CLN6: variants seen among roughly 807,000 people sequenced by gnomAD.
CLN6 encodes ceroid-lipofuscinosis neuronal protein 6.
A neutral mutation model predicts 33.3 loss-of-function variants in CLN6; 22 were observed. The observed-to-expected ratio is 0.66, with a 90% CI of 0.47 to 0.94. The LOEUF is 0.94. CLN6 is among the 40% of genes least tolerant of loss of function. The pLI, the probability that CLN6 is intolerant of heterozygous loss-of-function variation, is 0.00. For synonymous variants in CLN6, 201 were observed against 174.6 expected (o/e 1.15, Z -1.19); for missense variants, 387 against 417.1 (o/e 0.93, Z 0.63).
chr15:68,222,536 G>A (rs2093240601), intron 1 of CLN6, among the ~76,000 whole-genome samples: 2 of 151,298 alleles, frequency 1.3e-5, no homozygotes, highest in South Asian at 4.2e-4. Flanking sequence ...TCTGGGAAGT[G>A]AGGAGCGCCT....
intron 1 of CLN6, among the ~76,000 whole-genome samples, chr15:68,249,935 G>T (rs1416038274): frequency 3.9e-5 from 6 of 152,056 alleles, no homozygotes; most frequent in Non-Finnish European, 8.8e-5. Context: ...ATCAGGCCTG[G>T]CTAATTTTTG....
intron 1 of CLN6, among the ~76,000 whole-genome samples, chr15:68,255,881 C>T (rs1002396645): frequency 6.6e-6 from 1 of 152,134 alleles, no homozygotes. Context: ...GAAACCTCAA[C>T]TTATCAGTTT....
chr15:68,237,651 G>T (rs992424725), intron 1 of CLN6, among the ~76,000 whole-genome samples: 25 of 152,278 alleles, frequency 1.6e-4, no homozygotes, highest in Non-Finnish European at 2.8e-4. Context: ...CATGAAGGAA[G>T]AGTTAAGAGA....
rs756942559 is a variant in CLN6, at chr15:68,211,286, A to G, written c.519T>C (p.Asp173=). The part of the protein sequence containing the change: ...IDSFELLYYY[D]EYLGHCMWYI... The stretch of plus-strand genomic sequence containing the variant: ...ACCACATGCAGTGACCCAGGTACTC[A>G]TCATAATAGTAGAGCAGCTCAAAGG... Residue 173 remains aspartate (D), a synonymous_variant, in exon 5 of 7, where the codon GAT becomes GAC. Transcript: ENST00000249806. This position sits in a 1 kb window ranked among gnomAD's most constrained non-coding sequence, Gnocchi z 5.9. 2.5e-6 allele frequency: 4 copies of G among 1,614,022 alleles called. No individual in the cohort carries two copies. Among genetic ancestry groups the G allele is most frequent in the Non-Finnish European group, 3.4e-6 (4 of 1,180,000 alleles).
At chr15:68,233,462 T>C (rs973322764), upstream of CLN6, among the ~76,000 whole-genome samples, 1 of 152,156 alleles carries the variant, frequency 6.6e-6, no homozygotes, top group African/African-American at 2.4e-5. The surrounding 1 kb of genome is among the most constrained non-coding windows in gnomAD (Gnocchi z 4.3). Context: ...CTGCGGAAAA[T>C]GAAGCCTAAA....
In CLN6 at chr15:68,209,317, G is replaced by A. The variant is rs997185043; in HGVS notation, c.665+320C>T. Among the ~76,000 whole-genome samples the A allele has an allele frequency of 2.6e-5, 4 of 152,206 alleles. No homozygotes were observed. Among genetic ancestry groups the A allele is most frequent in the African/African-American group, 9.6e-5 (4 of 41,452 alleles). On this transcript the variant is annotated intron_variant, in intron 6 of 6. Transcript: ENST00000249806. This position sits in a 1 kb window ranked among gnomAD's most constrained non-coding sequence, Gnocchi z 4.9. ...GCCCACTACAGGGCTTGGTGTCGGA[G>A]GTGGATTGTACCGGCCCCAGGGCAA... is the stretch of plus-strand genomic sequence containing the variant.
Position 68,220,395 on chromosome 15 carries a change from C to G in CLN6, c.84-1745G>C, listed in dbSNP as rs61067194. On this transcript the variant is annotated intron_variant, in intron 1 of 6. Coordinates refer to ENST00000249806, the MANE Select transcript of CLN6 (RefSeq NM_017882.3). This position sits in a 1 kb window ranked among gnomAD's most constrained non-coding sequence, Gnocchi z 4.2. Reference sequence around the variant, plus strand: ...CTGTGGCAACAATTCCTTTTGTCAGCCTATTTCCCACCCACTGCTTCTTCT... The same window carrying G: ...CTGTGGCAACAATTCCTTTTGTCAGGCTATTTCCCACCCACTGCTTCTTCT... Among the ~76,000 whole-genome samples, 3,344 of 152,320 alleles carry G rather than the reference C, an allele frequency of 0.022. 114 individuals are homozygous for G. The highest frequency in any genetic ancestry group is 0.077 in the African/African-American group (3,204 of 41,568).
chr15:68,256,056 T>C lies in CLN6; in HGVS notation c.179+634A>G, dbSNP rs1892432221. Among the ~76,000 whole-genome samples, 1 of 152,136 alleles carries C rather than the reference T, an allele frequency of 6.6e-6. No individual in the cohort carries two copies. The highest frequency in any genetic ancestry group is 2.4e-5 in the African/African-American group (1 of 41,444). ...CTCCTTCTTCGACCTCCCAAAGTGCTAGAATTACAGGCATGAGTCACCGCC... is the reference window on the plus strand; with the variant it reads ...CTCCTTCTTCGACCTCCCAAAGTGCCAGAATTACAGGCATGAGTCACCGCC... On this transcript the variant is annotated intron_variant, in intron 1 of 6. Transcript: ENST00000538696. The surrounding 1 kb of genome is among the most constrained non-coding windows in gnomAD (Gnocchi z 4.1).
Position 68,256,830 on chromosome 15 carries a change from G to A in CLN6, c.39C>T (p.Gly13=). ...CTCCCAGTGTCTCTGGCCGGGGCCT[G>A]CCTCTCGCTCGCCGCTCCTTCCCGG... Residue 13 remains glycine, a synonymous_variant, in exon 1 of 7, where the codon GGC becomes GGT. Transcript: ENST00000538696. The surrounding 1 kb of genome is among the most constrained non-coding windows in gnomAD (Gnocchi z 4.1). The A allele has an allele frequency of 1.4e-6, 1 of 700,464 alleles. No individual in the cohort carries two copies. Among genetic ancestry groups the A allele is most frequent in the Non-Finnish European group, 2.6e-6 (1 of 383,628 alleles). 43.4% of individuals were successfully genotyped at this position (700,464 alleles called of 1,614,324 possible).
At chr15:68,222,211 C>A (rs1337282883) in intron 1 of CLN6, among the ~76,000 whole-genome samples, 2 of 145,826 alleles carry the variant, frequency 1.4e-5, no homozygotes, top group African/African-American at 5.1e-5. Context: ...CTCTGCCCAG[C>A]CGCCCCGTCT....
At chr15:68,251,965 A>C (rs1033016582) in intron 1 of CLN6, among the ~76,000 whole-genome samples, 1 of 144,608 alleles carries the variant, frequency 6.9e-6, no homozygotes, top group African/African-American at 2.6e-5. Context: ...GTATGTGTGA[A>C]TCTTTTTTTT....
intron 1 of CLN6, chr15:68,254,906 G>C: frequency 8.8e-7 from 1 of 1,131,410 alleles, no homozygotes; most frequent in Non-Finnish European, 1.3e-6. Flanking sequence ...GCCAAGTGAA[G>C]TGTGTGCATT....
At position 68,219,501 on chromosome 15, in the gene CLN6, T is replaced by C. The variant is rs2093229682; in HGVS notation, c.84-851A>G. Among the ~76,000 whole-genome samples, 1 of 152,188 alleles carries C rather than the reference T, an allele frequency of 6.6e-6. No individual in the cohort carries two copies. The highest frequency in any genetic ancestry group is 6.5e-5 in the Admixed American group (1 of 15,274). ...CTCACGATACATCTTTGGAGGCCTG[T>C]CCCTCTCACTAAACAGTTGGTCATC... On this transcript the variant is annotated intron_variant, in intron 1 of 6. Transcript: ENST00000249806. The surrounding 1 kb of genome is among the most constrained non-coding windows in gnomAD (Gnocchi z 4.2).
In CLN6 at chr15:68,254,188, T is replaced by TTA. The variant is rs572300320; in HGVS notation, c.179+2501_179+2502insTA. Among the ~76,000 whole-genome samples, 3 of 151,832 alleles carry TTA rather than the reference T, an allele frequency of 2.0e-5. No homozygotes were observed. The East Asian group carries it at 5.8e-4, about 29-fold the overall frequency. On this transcript the variant is annotated intron_variant, in intron 1 of 6. Transcript: ENST00000538696. ...GCCACCGCGCCCGGCCAAAACTACA[T>TTA]ATTTTTTTAAAAATCAAGAAAATGG...
chr15:68,257,019 C>G (rs1314031540), exon 1 of CLN6: 2 of 531,894 alleles, frequency 3.8e-6, no homozygotes, highest in East Asian at 6.0e-5. Context: ...GCGACTGACG[C>G]AGAGGTCGCA....
Position 68,220,363 on chromosome 15 carries a change from T to C in CLN6, c.84-1713A>G, listed in dbSNP as rs1184334920. Among the ~76,000 whole-genome samples, 1 of 152,220 alleles carries C rather than the reference T, an allele frequency of 6.6e-6. No individual in the cohort carries two copies. The highest frequency in any genetic ancestry group is 1.5e-5 in the Non-Finnish European group (1 of 68,034). ...TGCTTAGCCAAAGCCACCCGTGTAGTAAGGAGCTGTGGCAACAATTCCTTT... is the reference window on the plus strand; with the variant it reads ...TGCTTAGCCAAAGCCACCCGTGTAGCAAGGAGCTGTGGCAACAATTCCTTT... On this transcript the variant is annotated intron_variant, in intron 1 of 6. Coordinates refer to ENST00000249806, the MANE Select transcript of CLN6 (RefSeq NM_017882.3). The surrounding 1 kb of genome is among the most constrained non-coding windows in gnomAD (Gnocchi z 4.2).
chr15:68,231,614 G>A (rs541258623), upstream of CLN6, among the ~76,000 whole-genome samples: 5 of 152,396 alleles, frequency 3.3e-5, no homozygotes, highest in South Asian at 1.0e-3. Flanking sequence ...TGTCATCATC[G>A]ATTTAATAAC....
chr15:68,254,101 G>A (rs1009224963), intron 1 of CLN6, among the ~76,000 whole-genome samples: 3 of 150,986 alleles, frequency 2.0e-5, no homozygotes, highest in African/African-American at 4.9e-5. Context: ...GGATGGTCTC[G>A]ATCTCCTGAC....
At chr15:68,253,998 C>T (rs1347794937) in intron 1 of CLN6, among the ~76,000 whole-genome samples, 1 of 152,088 alleles carries the variant, frequency 6.6e-6, no homozygotes, top group Non-Finnish European at 1.5e-5. Flanking sequence ...CTGCCTCAGC[C>T]TCCCGAGCAG....
Sources: allele counts gnomAD v4.1 joint callset (sites outside exome capture counted in the v4.1 genomes callset), GRCh38; gene constraint gnomAD v4.1.1; non-coding constraint Gnocchi (gnomAD v3.1); transcripts MANE v1.5; gene names NCBI Gene and HGNC (gene_info 2026-07-23, HGNC 2026-07-21).